BAIAP2: variants seen among roughly 807,000 people sequenced by gnomAD.
The protein encoded by BAIAP2 is BAR/IMD domain containing adaptor protein 2, also known as BAR/IMD domain-containing adapter protein 2.
A neutral mutation model predicts 63.0 loss-of-function variants in BAIAP2; 18 were observed. The observed-to-expected ratio is 0.29, with a 90% CI of 0.20 to 0.42. BAIAP2 has a LOEUF of 0.42. Ranked by LOEUF, BAIAP2 falls within the 10% of genes least tolerant of loss-of-function variation. The pLI is 1.00. For synonymous variants in BAIAP2, 386 were observed against 307.6 expected, an observed-to-expected ratio of 1.25 and a Z score of -2.67; for missense variants, 610 against 734.3, an observed-to-expected ratio of 0.83 and a Z score of 1.96.
In BAIAP2 at chr17:81,086,544, C is replaced by T; in HGVS notation, c.453C>T (p.Ser151=). 1.9e-6 allele frequency: 3 copies of T among 1,613,790 alleles called. No homozygotes were observed. Among genetic ancestry groups the T allele is most frequent in the Non-Finnish European group, 2.5e-6 (3 of 1,180,020 alleles). ...LKKLRKKSQG[S]KNPQKYSDKE... ...AGCTTCGGAAGAAGAGCCAGGGCAG[C>T]AAGAATCCTCAGAAGTACTCGGACA... Residue 151 remains serine (S), a synonymous_variant, in exon 6 of 14, where the codon AGC becomes AGT. Coordinates refer to ENST00000428708, the MANE Select transcript of BAIAP2 (RefSeq NM_001144888.2).
chr17:81,103,405 G>A (rs1243312459), intron 7 of BAIAP2, 97 bp from the exon 8 acceptor site: 3 of 1,171,330 alleles, frequency 2.6e-6, no homozygotes, highest in African/African-American at 1.5e-5. Flanking sequence ...GCAGCCTCCA[G>A]CCCCAGAGAG....
At chr17:81,104,460 T>C in intron 9 of BAIAP2, 54 bp from the exon 10 acceptor site, 1 of 1,527,972 alleles carries the variant, frequency 6.5e-7, no homozygotes, top group African/African-American at 1.4e-5. Context: ...CTCCCTGGGC[T>C]TTGCTGCCCC....
rs373735362 is a variant in BAIAP2 at position 81,036,890 on chromosome 17, C to T, written c.54+1582C>T. 5.9e-6 allele frequency: 9 copies of T among 1,535,942 alleles called. No individual in the cohort carries two copies. In the East Asian group the frequency reaches 1.2e-4, roughly 21 times the overall value. On this transcript the variant is annotated intron_variant, in intron 1 of 13. Transcript: ENST00000428708. ...GGTGGAAGAGAAGTACCAGCGGAACCTTTTTCCTATTTTTTCTCCTTCTGC... is the reference window on the plus strand; with the variant it reads ...GGTGGAAGAGAAGTACCAGCGGAACTTTTTTCCTATTTTTTCTCCTTCTGC...
intron 5 of BAIAP2, 114 bp downstream of exon 5, chr17:81,085,839 C>A: frequency 2.6e-6 from 2 of 780,556 alleles, no homozygotes; most frequent in Non-Finnish European, 4.2e-6. Context: ...GCTCCCCGTC[C>A]ACATGGGCCC....
intron 13 of BAIAP2, among the ~76,000 whole-genome samples, chr17:81,112,341 C>T (rs2146162492): frequency 6.6e-6 from 1 of 152,378 alleles, no homozygotes; most frequent in African/African-American, 2.4e-5. Flanking sequence ...CCCAGCACCA[C>T]TCCACAGTGC....
At chr17:81,044,633 G>C (rs1308506223) in intron 1 of BAIAP2, among the ~76,000 whole-genome samples, 1 of 152,240 alleles carries the variant, frequency 6.6e-6, no homozygotes, top group South Asian at 2.1e-4. Context: ...GACCCCACCC[G>C]TGACGGAGTG....
intron 13 of BAIAP2, chr17:81,110,195 C>T (rs929293493): frequency 2.0e-6 from 2 of 985,632 alleles, no homozygotes; most frequent in African/African-American, 3.5e-5. Flanking sequence ...ACACACCTCC[C>T]CGTGGCCTGG....
At chr17:81,043,851 G>C (rs562406495) in intron 1 of BAIAP2, among the ~76,000 whole-genome samples, 3 of 152,358 alleles carry the variant, frequency 2.0e-5, no homozygotes, top group Non-Finnish European at 4.4e-5. Flanking sequence ...CCTTCCGTTC[G>C]GGAGTTCGAG....
chr17:81,090,503 G>A (rs935093034), intron 6 of BAIAP2, among the ~76,000 whole-genome samples: 1 of 152,244 alleles, frequency 6.6e-6, no homozygotes, highest in Non-Finnish European at 1.5e-5. Context: ...TTTCTCCTGC[G>A]TCCCACTTGG....
intron 1 of BAIAP2, 26 bp downstream of exon 1, chr17:81,035,334 A>T (rs1441065939): frequency 7.4e-7 from 1 of 1,359,044 alleles, no homozygotes; most frequent in South Asian, 1.6e-5. Flanking sequence ...CGCCGAGCTG[A>T]GCCCGCTCCG....
intron 11 of BAIAP2, 139 bp downstream of exon 11, chr17:81,106,285 T>G: frequency 1.1e-6 from 1 of 946,700 alleles, no homozygotes; most frequent in Non-Finnish European, 1.6e-6. Flanking sequence ...CCAGTGGCCC[T>G]GAGAGCTGGA....
intron 13 of BAIAP2, 69 bp from the exon 14 acceptor site, chr17:81,115,701 G>A: frequency 6.3e-7 from 1 of 1,586,490 alleles, no homozygotes; most frequent in Non-Finnish European, 8.6e-7. Flanking sequence ...GGGGCATCGG[G>A]CAGCCCAGGT....
chr17:81,106,188 G>A (rs750931791), intron 11 of BAIAP2, 42 bp downstream of exon 11: 1 of 1,543,488 alleles, frequency 6.5e-7, no homozygotes, highest in Admixed American at 1.9e-5. Flanking sequence ...CCCCAGCTCG[G>A]GAGAGGGGCT....
intron 1 of BAIAP2, among the ~76,000 whole-genome samples, chr17:81,052,967 T>C (rs973752048): frequency 6.6e-6 from 1 of 152,216 alleles, no homozygotes; most frequent in Non-Finnish European, 1.5e-5. Context: ...GGCTGGCTGT[T>C]GACAGTCAGT....
chr17:81,098,071 C>T (rs1223933725), intron 6 of BAIAP2: 8 of 1,296,950 alleles, frequency 6.2e-6, no homozygotes, highest in East Asian at 5.9e-5. Flanking sequence ...GCACATGATC[C>T]CCAGGCCAGC....
intron 10 of BAIAP2, 78 bp downstream of exon 10, chr17:81,104,793 T>C: frequency 4.3e-6 from 6 of 1,398,590 alleles, no homozygotes; most frequent in Non-Finnish European, 4.9e-6. Flanking sequence ...TCAAGTGCAC[T>C]GAGACCTTGT....
intron 12 of BAIAP2, 96 bp downstream of exon 12, chr17:81,107,003 G>GC (rs1166973506): frequency 3.5e-5 from 49 of 1,383,016 alleles, no homozygotes; most frequent in Non-Finnish European, 4.5e-5. Context: ...GGGGCGGGGC[G>GC]CCTGGGGGTC....
intron 6 of BAIAP2, chr17:81,098,008 G>A (rs1046544990): frequency 2.2e-5 from 20 of 911,444 alleles, no homozygotes; most frequent in Non-Finnish European, 2.7e-5. Context: ...CCCGGGTGCC[G>A]GGTGTCAGCT....
At chr17:81,037,598 G>A (rs912768491) in intron 1 of BAIAP2, among the ~76,000 whole-genome samples, 9 of 152,248 alleles carry the variant, frequency 5.9e-5, no homozygotes, top group African/African-American at 2.2e-4. Context: ...AGCCGGTCCA[G>A]GCAGTGCTGA....
Sources: gnomAD v4.1 joint callset for allele counts (sites outside exome capture counted in the v4.1 genomes callset) on GRCh38, gnomAD v4.1.1 for gene constraint, MANE v1.5 for transcripts, NCBI Gene and HGNC (gene_info 2026-07-23, HGNC 2026-07-21) for gene names.